Variants in PIR observed in about 807,000 individuals in gnomAD.
PIR encodes the protein pirin (iron-binding nuclear protein).
Under a neutral mutation model 24.2 loss-of-function variants are expected in PIR, and 22 were observed. The ratio of observed to expected loss-of-function variants is 0.91; its 90% CI spans 0.65 to 1.30. The LOEUF (loss-of-function observed/expected upper bound fraction) is 1.30. Among genes scored for constraint, PIR ranks in the 50% most tolerant of loss-of-function variants. The probability of loss-of-function intolerance (pLI) is 0.00; values close to 1 mark genes in which losing one functional copy is unlikely to be tolerated. For missense variants in PIR, 220 were observed against 220.3 expected (o/e 1.00, Z 0.01); for synonymous variants, 80 against 79.6 (o/e 1.00, Z -0.03).
At position 15,452,171 on chromosome X, in the gene PIR, T is replaced by C. The variant is rs767130425; in HGVS notation, c.480+3677A>G. Among the ~76,000 whole-genome samples, 37 of 111,638 alleles carry C rather than the reference T, an allele frequency of 3.3e-4. No individual in the cohort carries two copies. In the South Asian group the frequency reaches 0.013, roughly 40 times the overall value. On this transcript the variant is annotated intron_variant, in intron 5 of 9. Transcript: ENST00000380420. ...AGAATTTAGAGCAGCAGGAGGCAAGTAGAGGCGTGTTTTTGGAAAAAGAAC... is the reference window on the plus strand; with the variant it reads ...AGAATTTAGAGCAGCAGGAGGCAAGCAGAGGCGTGTTTTTGGAAAAAGAAC...
At chrX:15,417,600 C>T (rs1429796755) in intron 6 of PIR, among the ~76,000 whole-genome samples, 1 of 111,361 alleles carries the variant, frequency 9.0e-6, no homozygotes, top group African/African-American at 3.3e-5. Flanking sequence ...TTTTATCTTA[C>T]AGTTCTTGAG....
At chrX:15,472,771 C>T (rs191161081) in intron 3 of PIR, among the ~76,000 whole-genome samples, 82 of 112,039 alleles carry the variant, frequency 7.3e-4, no homozygotes, top group Admixed American at 7.0e-3. Context: ...GTACATAAAC[C>T]ACTACTTTTT....
In PIR at chrX:15,417,814, C is replaced by T. The variant is rs138976004; in HGVS notation, c.565+8092G>A. ...CTTCTATTGTCACATGTCCTTCTCT[C>T]ACTCTGACTCCCTGTCTCCCTGTTT... On this transcript the variant is annotated intron_variant, in intron 6 of 9. Transcript: ENST00000380420. Among the ~76,000 whole-genome samples, 477 of 111,615 alleles carry T rather than the reference C, an allele frequency of 4.3e-3. 3 individuals are homozygous for T. Among genetic ancestry groups the T allele is most frequent in the Non-Finnish European group, 6.9e-3 (368 of 53,113 alleles).
At chrX:15,478,023 C>CAA (rs3058993) in intron 3 of PIR, among the ~76,000 whole-genome samples, 1 of 102,666 alleles carries the variant, frequency 9.7e-6, no homozygotes, top group Admixed American at 1.1e-4. Flanking sequence ...TTCCCCCCCC[C>CAA]CCAGAAAGCA....
chrX:15,454,955 C>T (rs1325735673), intron 5 of PIR, among the ~76,000 whole-genome samples: 1 of 112,536 alleles, frequency 8.9e-6, no homozygotes, highest in Non-Finnish European at 1.9e-5. Context: ...AAGTCCCTTG[C>T]AGGATCAAGG....
chrX:15,390,288 G>A (rs1017315460), intron 8 of PIR, 37 bp from the exon 9 acceptor site: 2 of 811,950 alleles, frequency 2.5e-6, no homozygotes, highest in Admixed American at 2.7e-5. Flanking sequence ...CAATAAGCAG[G>A]CTTATTTTTG....
intron 6 of PIR, among the ~76,000 whole-genome samples, chrX:15,417,250 C>T (rs1444710618): frequency 9.0e-5 from 7 of 78,153 alleles, no homozygotes; most frequent in Middle Eastern, 6.7e-3. Flanking sequence ...GCGCCAGCTC[C>T]GGCTGACACT....
At chrX:15,400,269 A>G (rs1001776078) in intron 7 of PIR, among the ~76,000 whole-genome samples, 3 of 111,866 alleles carry the variant, frequency 2.7e-5, no homozygotes, top group Non-Finnish European at 3.8e-5. Context: ...GAGTTGAGTA[A>G]TATTTTCAAC....
intron 5 of PIR, among the ~76,000 whole-genome samples, chrX:15,453,945 T>C (rs780552375): frequency 8.9e-6 from 1 of 111,878 alleles, no homozygotes; most frequent in Non-Finnish European, 1.9e-5. Context: ...AATCACAATA[T>C]ATGAAATCGG....
chrX:15,385,004 C>G lies in PIR; in HGVS notation c.873G>C (p.Ter291TyrextTer22). Residue 291 changes from the stop codon to tyrosine, a stop_lost, in exon 10 of 10, where the codon TAG (stop) becomes TAC (tyrosine). Coordinates refer to ENST00000380420, the MANE Select transcript of PIR (RefSeq NM_001018109.3). ...AKTWKSKIGN* is the reference protein window; with the variant it reads ...AKTWKSKIGNY ...TCAAGACCTGCTCTTCCGCTTTCCA[C>G]TAGTTCCCAATCTTTGATTTCCAGG... 1 of 1,108,585 alleles carries G rather than the reference C, an allele frequency of 9.0e-7. No individual in the cohort carries two copies. The highest frequency in any genetic ancestry group is 1.2e-6 in the Non-Finnish European group (1 of 802,037). The allele number at this position is 1,108,585 out of a possible 1,213,427, so 91.4% of individuals were successfully genotyped here.
At chrX:15,407,933 T>G (rs1467100167) in intron 6 of PIR, among the ~76,000 whole-genome samples, 1 of 112,026 alleles carries the variant, frequency 8.9e-6, no homozygotes, top group Non-Finnish European at 1.9e-5. Context: ...TTCCATTTGT[T>G]GTGCCTCCAG....
intron 9 of PIR, 48 bp from the exon 10 acceptor site, chrX:15,385,164 C>T: frequency 1.6e-6 from 1 of 613,657 alleles, no homozygotes; most frequent in Non-Finnish European, 2.7e-6. Flanking sequence ...CAATATTTTC[C>T]TCTACCACTA....
At chrX:15,471,118 C>T (rs905179989) in intron 3 of PIR, among the ~76,000 whole-genome samples, 2 of 111,955 alleles carry the variant, frequency 1.8e-5, no homozygotes, top group Non-Finnish European at 3.8e-5. Context: ...TTAACACAGA[C>T]GAGGCTTTAA....
chrX:15,460,459 A>G (rs1274110750), intron 3 of PIR, among the ~76,000 whole-genome samples: 1 of 111,671 alleles, frequency 9.0e-6, no homozygotes, highest in Non-Finnish European at 1.9e-5. Flanking sequence ...AACCTGGAGG[A>G]TATTATGCTA....
chrX:15,418,837 G>A (rs1925014962), intron 6 of PIR, among the ~76,000 whole-genome samples: 2 of 111,940 alleles, frequency 1.8e-5, no homozygotes, highest in Non-Finnish European at 3.8e-5. Context: ...TGGTAGCAGT[G>A]TATGCTTCTA....
chrX:15,390,284 G>C, intron 8 of PIR, 33 bp from the exon 9 acceptor site: 1 of 846,972 alleles, frequency 1.2e-6, no homozygotes, highest in Non-Finnish European at 1.7e-6. Flanking sequence ...CAAACAATAA[G>C]CAGGCTTATT....
intron 6 of PIR, among the ~76,000 whole-genome samples, chrX:15,424,880 G>T (rs1172801981): frequency 9.1e-6 from 1 of 110,257 alleles, no homozygotes; most frequent in Non-Finnish European, 1.9e-5. Flanking sequence ...ACATCTGTAG[G>T]CTCAGTTACT....
chrX:15,385,685 G>A (rs746007393), intron 9 of PIR, among the ~76,000 whole-genome samples: 51 of 112,327 alleles, frequency 4.5e-4, no homozygotes, highest in Admixed American at 7.5e-4. Context: ...TTGCTAGGAA[G>A]GGCTAGATAG....
intron 8 of PIR, among the ~76,000 whole-genome samples, chrX:15,396,819 C>A (rs981917174): frequency 2.9e-4 from 32 of 109,627 alleles, no homozygotes; most frequent in African/African-American, 1.1e-3. Context: ...CGGCTCACTG[C>A]AAGCTCCACC....
Sources: allele counts gnomAD v4.1 joint callset (sites outside exome capture counted in the v4.1 genomes callset), GRCh38; gene constraint gnomAD v4.1.1; transcripts MANE v1.5; gene names NCBI Gene and HGNC (gene_info 2026-07-23, HGNC 2026-07-21).